Variants in EML4 observed in about 807,000 individuals in gnomAD.
EML4 encodes echinoderm microtubule-associated protein-like 4.
A neutral mutation model predicts 129.0 loss-of-function variants in EML4; 72 were observed. The ratio of observed to expected loss-of-function variants is 0.56; its 90% CI spans 0.46 to 0.68. EML4 has a LOEUF of 0.68. EML4 is among the 30% of genes least tolerant of loss of function. The pLI is 0.00. For missense variants in EML4, 1,363 were observed against 1,190.6 expected (o/e 1.14, Z -2.13); for synonymous variants, 532 against 405.0 (o/e 1.31, Z -3.77).
At chr2:42,284,574 A>T (rs1197177380) in intron 8 of EML4, 60 bp from the exon 9 acceptor site, 1 of 1,213,250 alleles carries the variant, frequency 8.2e-7, no homozygotes, top group Non-Finnish European at 1.2e-6. Flanking sequence ...TGTCAGTACA[A>T]AGGTATTCTG....
intron 1 of EML4, among the ~76,000 whole-genome samples, chr2:42,182,949 T>A (rs1390361978): frequency 6.6e-6 from 1 of 152,020 alleles, no homozygotes; most frequent in Non-Finnish European, 1.5e-5. Context: ...GGATACCAGT[T>A]GTATTGGATG....
At chr2:42,238,453 A>G (rs1199131887) in intron 1 of EML4, among the ~76,000 whole-genome samples, 1 of 152,196 alleles carries the variant, frequency 6.6e-6, no homozygotes, top group Non-Finnish European at 1.5e-5. Context: ...TTAGAAAACC[A>G]AAAATGTGGT....
chr2:42,211,205 G>A (rs746566916), intron 1 of EML4, among the ~76,000 whole-genome samples: 29 of 152,148 alleles, frequency 1.9e-4, no homozygotes, highest in Non-Finnish European at 4.1e-4. Context: ...GGGGCATACA[G>A]TTGGACTTTG....
chr2:42,233,309 CTT>C (rs1045073425), intron 1 of EML4, among the ~76,000 whole-genome samples: 31 of 136,998 alleles, frequency 2.3e-4, no homozygotes, highest in Non-Finnish European at 2.1e-4. Context: ...AGGTTTCTTT[CTT>C]TTTTTTTTTT....
intron 1 of EML4, among the ~76,000 whole-genome samples, chr2:42,216,200 C>T: frequency 7.5e-6 from 1 of 133,948 alleles, no homozygotes. Context: ...GCTGGGATTA[C>T]AAGCATGAGC....
At chr2:42,301,155 A>T in intron 13 of EML4, 86 bp from the exon 14 acceptor site, 1 of 1,137,156 alleles carries the variant, frequency 8.8e-7, no homozygotes, top group Non-Finnish European at 1.3e-6. Context: ...TATTAACTCT[A>T]GTTCTACTGA....
chr2:42,226,575 T>G (rs7607422), intron 1 of EML4, among the ~76,000 whole-genome samples: 21,011 of 151,970 alleles, frequency 0.14, 1,413 homozygotes, highest in East Asian at 0.17. Context: ...GAGAATCACT[T>G]GAACCTGGGA....
chr2:42,214,966 A>G (rs1216591004), intron 1 of EML4, among the ~76,000 whole-genome samples: 1 of 152,188 alleles, frequency 6.6e-6, no homozygotes, highest in African/African-American at 2.4e-5. Flanking sequence ...AAAGGAGAGA[A>G]CTACATAAGA....
At chr2:42,216,270 T>C (rs1255668264) in intron 1 of EML4, among the ~76,000 whole-genome samples, 3 of 132,104 alleles carry the variant, frequency 2.3e-5, no homozygotes, top group Non-Finnish European at 1.6e-5. Flanking sequence ...TGAGATGGTG[T>C]CTTGCTCTGT....
At chr2:42,301,449 C>T in intron 14 of EML4, 57 bp downstream of exon 14, 3 of 1,344,140 alleles carry the variant, frequency 2.2e-6, no homozygotes, top group East Asian at 2.7e-5. Flanking sequence ...GGTATTTTGT[C>T]CCACATTAAG....
At chr2:42,199,723 AG>A (rs1344707932) in intron 1 of EML4, among the ~76,000 whole-genome samples, 1 of 152,206 alleles carries the variant, frequency 6.6e-6, no homozygotes, top group Non-Finnish European at 1.5e-5. Flanking sequence ...AAATGGCAGT[AG>A]TGAAAAAGGT....
At chr2:42,289,491 T>G (rs1667500986) in intron 11 of EML4, 1 of 152,236 alleles carries the variant, frequency 6.6e-6, no homozygotes. Context: ...TATTTCTAGT[T>G]GCATCCTAGA....
intron 1 of EML4, among the ~76,000 whole-genome samples, chr2:42,241,877 G>T (rs548732264): frequency 6.6e-6 from 1 of 150,614 alleles, no homozygotes; most frequent in Non-Finnish European, 1.5e-5. Flanking sequence ...TGTGTGTCGG[G>T]GGGGGGAAGC....
chr2:42,293,349 C>G (rs1667763154), intron 11 of EML4, among the ~76,000 whole-genome samples: 1 of 152,148 alleles, frequency 6.6e-6, no homozygotes, highest in Non-Finnish European at 1.5e-5. Flanking sequence ...AGTCCTCCCA[C>G]CTTGGCCACC....
intron 1 of EML4, among the ~76,000 whole-genome samples, chr2:42,188,974 A>C (rs1671426195): frequency 6.6e-6 from 1 of 152,204 alleles, no homozygotes; most frequent in Non-Finnish European, 1.5e-5. Context: ...CAGTAAAAAG[A>C]GCATGGACTT....
At chr2:42,283,571 G>C (rs115179316) in intron 8 of EML4, among the ~76,000 whole-genome samples, 2 of 151,958 alleles carry the variant, frequency 1.3e-5, no homozygotes, top group African/African-American at 4.8e-5. Context: ...TCCAAGGACT[G>C]ACTGGATGTT....
chr2:42,216,063 G>A (rs1259713521), intron 1 of EML4, among the ~76,000 whole-genome samples: 9 of 151,542 alleles, frequency 5.9e-5, no homozygotes, highest in Non-Finnish European at 1.3e-4. Context: ...GAGACTACAG[G>A]CACCCAACAC....
chr2:42,222,104 A>G (rs1673643062), intron 1 of EML4, among the ~76,000 whole-genome samples: 1 of 152,116 alleles, frequency 6.6e-6, no homozygotes, highest in Non-Finnish European at 1.5e-5. Flanking sequence ...GTTAATTAAC[A>G]CACCAGTGAT....
chr2:42,236,065 C>G (rs1019725915), intron 1 of EML4, among the ~76,000 whole-genome samples: 6 of 152,136 alleles, frequency 3.9e-5, no homozygotes, highest in African/African-American at 7.2e-5. Flanking sequence ...CTGTCCTATC[C>G]TCTGTCATAC....
Sources: gnomAD v4.1 joint callset for allele counts (sites outside exome capture counted in the v4.1 genomes callset) on GRCh38, gnomAD v4.1.1 for gene constraint, MANE v1.5 for transcripts, NCBI Gene and HGNC (gene_info 2026-07-23, HGNC 2026-07-21) for gene names.